KIAA1328: variants seen among roughly 807,000 people sequenced by gnomAD.
KIAA1328 encodes KIAA1328, also known as protein hinderin.
A neutral mutation model predicts 68.1 loss-of-function variants in KIAA1328; 52 were observed. That is an observed-to-expected ratio of 0.76 (90% CI 0.61 to 0.96). KIAA1328 has a LOEUF of 0.96. KIAA1328 is among the 40% of genes least tolerant of loss of function. The probability of loss-of-function intolerance (pLI) is 0.00; values close to 1 mark genes in which losing one functional copy is unlikely to be tolerated. For synonymous variants in KIAA1328, 232 were observed against 239.4 expected, an observed-to-expected ratio of 0.97 and a Z score of 0.28; for missense variants, 641 against 677.6, an observed-to-expected ratio of 0.95 and a Z score of 0.60.
rs992833068 is a variant in KIAA1328 at position 37,222,126 on chromosome 18, C to G, written c.1633C>G (p.Arg545Gly). 1.2e-6 allele frequency: 2 copies of G among 1,612,298 alleles called. No individual in the cohort carries two copies. Among genetic ancestry groups the G allele is most frequent in the Admixed American group, 1.7e-5 (1 of 59,812 alleles). ...EAGAWNHGTF[R>G]LSPLKSTRKK... ...TGGGGCCTGGAATCATGGTACTTTC[C>G]GACTCAGTCCTCTAAAATCAACCCG... Residue 545 changes from arginine (R) to glycine (G), a missense_variant, in exon 10 of 10, where the codon CGA (arginine) becomes GGA (glycine). Arg to Gly is a moderately radical substitution (Grantham distance 125). Coordinates refer to ENST00000280020, the MANE Select transcript of KIAA1328 (RefSeq NM_020776.3).
chr18:37,063,626 C>A lies in KIAA1328; in HGVS notation c.577-3264C>A, dbSNP rs973484912. 2.2e-5 allele frequency: 22 copies of A among 985,068 alleles called. No individual in the cohort carries two copies. The African/African-American group carries it at 3.8e-4, about 17-fold the overall frequency. 61.0% of individuals were successfully genotyped at this position (985,068 alleles called of 1,614,324 possible). On this transcript the variant is annotated intron_variant, in intron 6 of 9. Coordinates refer to ENST00000280020, the MANE Select transcript of KIAA1328 (RefSeq NM_020776.3). Reference sequence around the variant, plus strand: ...TCTGCCTATTACACATGCACAGTAACCAAGCAGGTAATTGACAGAGCATTG... The same window carrying A: ...TCTGCCTATTACACATGCACAGTAAACAAGCAGGTAATTGACAGAGCATTG...
chr18:37,195,200 CTCTA>C (rs1032628246), intron 9 of KIAA1328, among the ~76,000 whole-genome samples: 2 of 152,228 alleles, frequency 1.3e-5, no homozygotes, highest in East Asian at 1.9e-4. Flanking sequence ...GAACTTATTC[CTCTA>C]TCTAACTGCA....
intron 6 of KIAA1328, among the ~76,000 whole-genome samples, chr18:36,975,404 G>C (rs571006777): frequency 6.6e-6 from 1 of 151,876 alleles, no homozygotes; most frequent in Non-Finnish European, 1.5e-5. Context: ...GGATGGTCTC[G>C]ATCTCCTGAC....
chr18:36,922,231 G>A (rs553019877), intron 5 of KIAA1328, among the ~76,000 whole-genome samples: 76 of 152,268 alleles, frequency 5.0e-4, no homozygotes, highest in Admixed American at 9.8e-4. Flanking sequence ...GCTGTGTCTA[G>A]AATGTAGTTG....
intron 6 of KIAA1328, among the ~76,000 whole-genome samples, chr18:36,988,156 A>T (rs1191389299): frequency 6.6e-6 from 1 of 152,222 alleles, no homozygotes; most frequent in Non-Finnish European, 1.5e-5. Flanking sequence ...ACGTTCACAT[A>T]TATGAGCAAT....
chr18:36,992,609 A>C (rs550332376), intron 6 of KIAA1328, among the ~76,000 whole-genome samples: 1 of 152,064 alleles, frequency 6.6e-6, no homozygotes, highest in South Asian at 2.1e-4. Context: ...GAAAGAAGCT[A>C]CTTAAGAGGA....
intron 6 of KIAA1328, among the ~76,000 whole-genome samples, chr18:37,062,645 C>G (rs2056196539): frequency 6.6e-6 from 1 of 152,030 alleles, no homozygotes; most frequent in African/African-American, 2.4e-5. Flanking sequence ...GTAGTAGAGA[C>G]AGGGTTTCAC....
At chr18:37,171,224 T>C (rs1014425927) in intron 8 of KIAA1328, among the ~76,000 whole-genome samples, 1 of 152,196 alleles carries the variant, frequency 6.6e-6, no homozygotes, top group Admixed American at 6.6e-5. Context: ...GTTTTGTTTT[T>C]TTCTTGAGAC....
At chr18:36,895,873 C>T (rs958036943) in intron 5 of KIAA1328, 5 of 436,882 alleles carry the variant, frequency 1.1e-5, no homozygotes, top group Non-Finnish European at 2.3e-5. Flanking sequence ...CACACCCCCA[C>T]GTTGTCCTGT....
chr18:37,064,210 C>T (rs1225429852), intron 6 of KIAA1328, among the ~76,000 whole-genome samples: 1 of 152,128 alleles, frequency 6.6e-6, no homozygotes, highest in East Asian at 1.9e-4. Context: ...TGAAGAAGAG[C>T]AAGTCTTCTC....
chr18:36,871,763 C>T (rs773626041), intron 4 of KIAA1328, among the ~76,000 whole-genome samples: 54 of 152,092 alleles, frequency 3.6e-4, no homozygotes, highest in Non-Finnish European at 6.8e-4. Flanking sequence ...ACCAACCAAG[C>T]AGAAATCTAA....
chr18:37,067,527 C>T lies in KIAA1328; in HGVS notation c.1214C>T (p.Ser405Phe). ...LLLKQQQLHQSRLDYNCLLKS... is the reference protein window; with the variant it reads ...LLLKQQQLHQFRLDYNCLLKS... ...CTAAAACAGCAGCAGCTTCACCAGT[C>T]TCGACTGGATTACAATTGGTGAGTA... The change falls in exon 7 of 10, where the codon TCT becomes TTT. Residue 405 changes from serine to phenylalanine, a missense_variant. Physicochemically the swap from Ser to Phe is radical, Grantham distance 155. Transcript: ENST00000280020. The T allele has an allele frequency of 1.3e-6, 2 of 1,532,246 alleles. No homozygotes were observed. The highest frequency in any genetic ancestry group is 2.5e-5 in the East Asian group (1 of 40,814). 94.9% of individuals were successfully genotyped at this position (1,532,246 alleles called of 1,614,324 possible). A position where few individuals can be genotyped will look rare whatever the true frequency, so the allele number is the denominator to read the frequency against.
chr18:37,138,306 G>T (rs1046548628), intron 7 of KIAA1328, among the ~76,000 whole-genome samples: 1 of 152,172 alleles, frequency 6.6e-6, no homozygotes, highest in Non-Finnish European at 1.5e-5. Context: ...ACATCTATCA[G>T]AACTTAGAAA....
chr18:36,987,866 A>AT (rs1398253217), intron 6 of KIAA1328, among the ~76,000 whole-genome samples: 3 of 151,310 alleles, frequency 2.0e-5, no homozygotes, highest in Non-Finnish European at 4.4e-5. Flanking sequence ...AGAACTGCAT[A>AT]TTTTTTCTTT....
At chr18:37,061,555 G>A (rs1434691073) in intron 6 of KIAA1328, among the ~76,000 whole-genome samples, 1 of 152,126 alleles carries the variant, frequency 6.6e-6, no homozygotes, top group African/African-American at 2.4e-5. Flanking sequence ...CATTAAACCC[G>A]TATGTCAGAG....
intron 4 of KIAA1328, among the ~76,000 whole-genome samples, chr18:36,856,877 T>C (rs2047400495): frequency 6.6e-6 from 1 of 152,210 alleles, no homozygotes; most frequent in Admixed American, 6.5e-5. Flanking sequence ...TTAGTGACTT[T>C]TCCAGGCTAT....
At chr18:36,981,714 G>A (rs958693744) in intron 6 of KIAA1328, among the ~76,000 whole-genome samples, 2 of 151,346 alleles carry the variant, frequency 1.3e-5, no homozygotes, top group Non-Finnish European at 2.9e-5. Flanking sequence ...AGCCTCTCAA[G>A]TAACTGGGAC....
At chr18:37,212,018 G>A (rs1181794143) in intron 9 of KIAA1328, among the ~76,000 whole-genome samples, 2 of 152,182 alleles carry the variant, frequency 1.3e-5, no homozygotes, top group Non-Finnish European at 2.9e-5. Flanking sequence ...GGATAGAAAA[G>A]TGTAGATTTT....
At chr18:36,870,100 G>A (rs1164964335) in intron 4 of KIAA1328, among the ~76,000 whole-genome samples, 1 of 152,114 alleles carries the variant, frequency 6.6e-6, no homozygotes, top group Non-Finnish European at 1.5e-5. Flanking sequence ...TTTACCTCGT[G>A]ATCTGCCTGC....
Sources: gnomAD v4.1 joint callset for allele counts (sites outside exome capture counted in the v4.1 genomes callset) on GRCh38, gnomAD v4.1.1 for gene constraint, MANE v1.5 for transcripts, NCBI Gene and HGNC (gene_info 2026-07-23, HGNC 2026-07-21) for gene names.